SHTN1: variants seen among roughly 807,000 people sequenced by gnomAD.
SHTN1 encodes shootin-1.
Under a neutral mutation model 83.1 loss-of-function variants are expected in SHTN1, and 42 were observed. The observed-to-expected ratio is 0.51, with a 90% CI of 0.39 to 0.65. The LOEUF (loss-of-function observed/expected upper bound fraction) is 0.65. Among genes scored for constraint, SHTN1 ranks in the 30% least tolerant of loss-of-function variants. The pLI is 0.00. For synonymous variants in SHTN1, 224 were observed against 247.7 expected (o/e 0.90, Z 0.90); for missense variants, 622 against 737.8 (o/e 0.84, Z 1.82).
At chr10:116,993,430 A>G (rs933926095) in intron 1 of SHTN1, among the ~76,000 whole-genome samples, 2 of 152,208 alleles carry the variant, frequency 1.3e-5, no homozygotes, top group African/African-American at 4.8e-5. Flanking sequence ...AAATTTACTT[A>G]AAACTCCAAA....
intron 1 of SHTN1, among the ~76,000 whole-genome samples, chr10:117,055,969 C>A (rs1852820944): frequency 6.6e-6 from 1 of 152,080 alleles, no homozygotes; most frequent in Non-Finnish European, 1.5e-5. Context: ...ATACTATGAA[C>A]TTAGAGAAAA....
intron 1 of SHTN1, among the ~76,000 whole-genome samples, chr10:117,070,300 T>C (rs1485105024): frequency 1.3e-5 from 2 of 152,116 alleles, no homozygotes; most frequent in Non-Finnish European, 2.9e-5. Flanking sequence ...AATCATAGTT[T>C]ATCGCTAGAA....
At chr10:117,119,049 G>A (rs1376465574) in intron 1 of SHTN1, among the ~76,000 whole-genome samples, 2 of 152,230 alleles carry the variant, frequency 1.3e-5, no homozygotes, top group African/African-American at 4.8e-5. Flanking sequence ...TGGAATTGAT[G>A]GTCATTATGT....
upstream of SHTN1, among the ~76,000 whole-genome samples, chr10:117,009,203 A>AT (rs1312591051): frequency 6.6e-6 from 1 of 152,154 alleles, no homozygotes; most frequent in Non-Finnish European, 1.5e-5. Context: ...AAACATACAC[A>AT]TTTTTTTAAA....
chr10:116,978,763 A>G (rs1300032849), intron 2 of SHTN1, among the ~76,000 whole-genome samples: 2 of 152,224 alleles, frequency 1.3e-5, no homozygotes, highest in Non-Finnish European at 2.9e-5. Flanking sequence ...CCACCTTCAC[A>G]GTGGATGCTT....
intron 1 of SHTN1, among the ~76,000 whole-genome samples, chr10:117,121,255 C>T (rs1050856339): frequency 6.6e-6 from 1 of 152,160 alleles, no homozygotes; most frequent in Non-Finnish European, 1.5e-5. Context: ...ATTTTGTGTA[C>T]ATTTTATAGC....
At chr10:117,067,407 A>G (rs537198130) in intron 1 of SHTN1, among the ~76,000 whole-genome samples, 21 of 152,280 alleles carry the variant, frequency 1.4e-4, no homozygotes, top group African/African-American at 4.8e-4. Flanking sequence ...CCTAGCCAAC[A>G]TGGGGGAAAC....
chr10:117,100,718 G>A (rs1187644156), intron 1 of SHTN1, among the ~76,000 whole-genome samples: 2 of 152,152 alleles, frequency 1.3e-5, no homozygotes, highest in African/African-American at 4.8e-5. Flanking sequence ...TTTAGCTAAG[G>A]CATTTCTTCC....
At chr10:117,065,977 G>C (rs1357333687) in intron 1 of SHTN1, among the ~76,000 whole-genome samples, 1 of 148,786 alleles carries the variant, frequency 6.7e-6, no homozygotes, top group Non-Finnish European at 1.5e-5. Context: ...GCTGAGGTGG[G>C]AGGCTTGAGG....
rs77167516 is a variant in SHTN1, at chr10:117,015,665, A to G, written c.-123+32780T>C. On this transcript the variant is annotated intron_variant, in intron 2 of 17. Transcript: ENST00000392901. Reference sequence around the variant, plus strand: ...GTTTGAAACCACAAATCCAGCCACTATCTACACTAAATGGAACCACTTCTG... The same window carrying G: ...GTTTGAAACCACAAATCCAGCCACTGTCTACACTAAATGGAACCACTTCTG... Among the ~76,000 whole-genome samples, 3 of 152,254 alleles carry G rather than the reference A, an allele frequency of 2.0e-5. No homozygotes were observed. The East Asian group carries it at 5.8e-4, about 29-fold the overall frequency.
chr10:117,020,440 C>T (rs1469057182), intron 2 of SHTN1, among the ~76,000 whole-genome samples: 1 of 149,626 alleles, frequency 6.7e-6, no homozygotes, highest in African/African-American at 2.5e-5. Context: ...GCAGAGGTTG[C>T]AGTGAGCTGA....
intron 1 of SHTN1, among the ~76,000 whole-genome samples, chr10:116,980,239 C>G (rs1360983131): frequency 6.6e-6 from 1 of 152,196 alleles, no homozygotes; most frequent in African/African-American, 2.4e-5. Context: ...AAAACTGCTG[C>G]TCACCCCAGG....
intron 1 of SHTN1, among the ~76,000 whole-genome samples, chr10:117,125,938 T>C (rs1473192811): frequency 6.6e-6 from 1 of 152,186 alleles, no homozygotes; most frequent in Non-Finnish European, 1.5e-5. Flanking sequence ...CAGTCTTATC[T>C]AACCCATGAG....
At chr10:116,952,838 A>C (rs1348867617) in intron 5 of SHTN1, among the ~76,000 whole-genome samples, 1 of 152,226 alleles carries the variant, frequency 6.6e-6, no homozygotes, top group East Asian at 1.9e-4. Flanking sequence ...AAATTAAATC[A>C]AACTTTTTAC....
At position 116,953,998 on chromosome 10, in the gene SHTN1, A is replaced by G. The variant is rs186623065; in HGVS notation, c.436+44T>C. ...AGTCAGGGTTCAGAAGCACTATCAT[A>G]ACGGGGTAAAAAATATGCTCAATAA... On this transcript the variant is annotated intron_variant, in intron 5 of 16. Transcript: ENST00000355371. 7 of 1,512,702 alleles carry G rather than the reference A, an allele frequency of 4.6e-6. No homozygotes were observed. In the Admixed American group the frequency reaches 5.5e-5, roughly 12 times the overall value. The allele number at this position is 1,512,702 out of a possible 1,614,324, so 93.7% of individuals were successfully genotyped here.
At chr10:117,036,764 A>C (rs1852503789) in intron 2 of SHTN1, among the ~76,000 whole-genome samples, 1 of 152,228 alleles carries the variant, frequency 6.6e-6, no homozygotes, top group African/African-American at 2.4e-5. Flanking sequence ...TACTTTTAAA[A>C]ATAACTATAA....
Position 116,983,633 on chromosome 10 carries a change from CAGATAGATAGAT to C in SHTN1, c.59-4337_59-4326del, listed in dbSNP as rs145452456. Among the ~76,000 whole-genome samples the C allele has an allele frequency of 1.0e-3, 142 of 142,620 alleles. 1 individual carries two copies. The South Asian group carries it at 0.015, about 15-fold the overall frequency. The allele number at this position is 142,620 out of a possible 152,430, so 93.6% of individuals were successfully genotyped here. ...TATTCTGGGGTAGAGCCTGGGCATC[CAGATAGATAGAT>C]AGATAGATAGATAGATAGATAGATA... On this transcript the variant is annotated intron_variant, in intron 1 of 16. Transcript: ENST00000355371.
intron 9 of SHTN1, among the ~76,000 whole-genome samples, chr10:116,937,261 A>C (rs954873885): frequency 2.4e-4 from 37 of 152,124 alleles, no homozygotes; most frequent in African/African-American, 7.5e-4. Flanking sequence ...TAGTGTCATT[A>C]GTCTTTACAA....
intron 8 of SHTN1, among the ~76,000 whole-genome samples, chr10:116,943,859 G>A (rs1849473860): frequency 6.6e-6 from 1 of 152,148 alleles, no homozygotes; most frequent in Non-Finnish European, 1.5e-5. Flanking sequence ...TACACCCACA[G>A]GATGGAGATC....
Sources: gnomAD v4.1 joint callset for allele counts (sites outside exome capture counted in the v4.1 genomes callset) on GRCh38, gnomAD v4.1.1 for gene constraint, MANE v1.5 for transcripts, NCBI Gene and HGNC (gene_info 2026-07-23, HGNC 2026-07-21) for gene names.